Variants in RBFOX1 observed in about 807,000 individuals in gnomAD.
The protein encoded by RBFOX1 is RNA binding fox-1 homolog 1.
RBFOX1 carries 8 observed loss-of-function variants against 57.7 expected under a neutral mutation model. The ratio of observed to expected loss-of-function variants is 0.14; its 90% confidence interval spans 0.08 to 0.25. RBFOX1 has a LOEUF of 0.25. Ranked by LOEUF, RBFOX1 falls within the 10% of genes least tolerant of loss-of-function variation. RBFOX1 has a pLI of 1.00. For missense variants in RBFOX1, 611 were observed against 548.5 expected, an observed-to-expected ratio of 1.11 and a Z score of -1.14; for synonymous variants, 326 against 222.4, an observed-to-expected ratio of 1.47 and a Z score of -4.15.
chr16:6,147,164 G>A (rs2096764569), intron 1 of RBFOX1, among the ~76,000 whole-genome samples: 1 of 152,172 alleles, frequency 6.6e-6, no homozygotes, highest in African/African-American at 2.4e-5. Flanking sequence ...CACTCCAACT[G>A]TTACCTAAAA....
chr16:6,027,076 G>T (rs746866109), intron 1 of RBFOX1, among the ~76,000 whole-genome samples: 3 of 152,202 alleles, frequency 2.0e-5, no homozygotes, highest in African/African-American at 7.2e-5. Flanking sequence ...AGATGTTGAT[G>T]TCTCTTTTCT....
intron 4 of RBFOX1, among the ~76,000 whole-genome samples, chr16:5,869,649 C>G (rs1051943579): frequency 6.6e-6 from 1 of 152,106 alleles, no homozygotes; most frequent in Non-Finnish European, 1.5e-5. Context: ...GTGATCTGCC[C>G]TCCTCGGCCT....
chr16:7,691,469 A>C (rs1363293490), intron 14 of RBFOX1, among the ~76,000 whole-genome samples: 1 of 152,032 alleles, frequency 6.6e-6, no homozygotes, highest in Admixed American at 6.6e-5. Context: ...AGGAAAGGGT[A>C]GGAGAGGAAA....
At chr16:6,678,332 C>T (rs140797716) in intron 3 of RBFOX1, among the ~76,000 whole-genome samples, 2 of 152,046 alleles carry the variant, frequency 1.3e-5, no homozygotes, top group Admixed American at 6.6e-5. Context: ...ATCATGTTGG[C>T]CAGGCTGGTT....
Position 5,763,962 on chromosome 16 carries a change from G to A in RBFOX1, c.319-103341G>A, listed in dbSNP as rs74006264. Reference sequence around the variant, plus strand: ...TATTTCTTTATTCACCTGTTTACTCGTCTATCTCCTATGCTAGAACACATG... The same window carrying A: ...TATTTCTTTATTCACCTGTTTACTCATCTATCTCCTATGCTAGAACACATG... On this transcript the variant is annotated intron_variant, in intron 3 of 19. Coordinates refer to the RBFOX1 transcript ENST00000641259. Among the ~76,000 whole-genome samples the A allele has an allele frequency of 4.9e-3, 745 of 152,066 alleles. 6 individuals are homozygous for A. Among genetic ancestry groups the A allele is most frequent in the African/African-American group, 0.016 (680 of 41,454 alleles).
chr16:6,861,631 A>G (rs17141571), intron 3 of RBFOX1, among the ~76,000 whole-genome samples: 1 of 151,866 alleles, frequency 6.6e-6, no homozygotes, highest in African/African-American at 2.4e-5. Context: ...TTGGGTCTTT[A>G]TGTTGCAATA....
At chr16:5,476,962 T>C (rs2069347124) in intron 2 of RBFOX1, among the ~76,000 whole-genome samples, 1 of 152,236 alleles carries the variant, frequency 6.6e-6, no homozygotes, top group Non-Finnish European at 1.5e-5. Flanking sequence ...ACTGATGTTA[T>C]CTGTATATAC....
intron 4 of RBFOX1, among the ~76,000 whole-genome samples, chr16:7,256,367 C>T (rs1336354614): frequency 6.6e-6 from 1 of 152,126 alleles, no homozygotes; most frequent in Non-Finnish European, 1.5e-5. Flanking sequence ...GAGGTTTGGC[C>T]TCAGATTCAT....
rs975974470 is a variant in RBFOX1, at chr16:7,629,109, C to A, written c.677-1494C>A. ...CAGCTATAAGCATGGGAAACCAGAT[C>A]GAAAAAGACCATGGGACATTCCTTC... is the stretch of plus-strand genomic sequence containing the variant. On this transcript the variant is annotated intron_variant, in intron 10 of 15. Coordinates refer to ENST00000550418, the MANE Select transcript of RBFOX1 (RefSeq NM_018723.4). Among the ~76,000 whole-genome samples, 5 of 152,176 alleles carry A rather than the reference C, an allele frequency of 3.3e-5. 1 individual carries two copies. The highest frequency in any genetic ancestry group is 2.4e-5 in the African/African-American group (1 of 41,510).
chr16:6,792,014 C>G (rs1010286834), intron 3 of RBFOX1, among the ~76,000 whole-genome samples: 3 of 152,040 alleles, frequency 2.0e-5, no homozygotes, highest in African/African-American at 7.2e-5. Context: ...TTCTGTTTTC[C>G]TACTTGAAAA....
intron 3 of RBFOX1, among the ~76,000 whole-genome samples, chr16:6,839,387 C>G (rs1020244236): frequency 6.6e-6 from 1 of 152,226 alleles, no homozygotes; most frequent in East Asian, 1.9e-4. Context: ...GTTAGGTTGT[C>G]AGCTGCGTCA....
intron 1 of RBFOX1, among the ~76,000 whole-genome samples, chr16:6,300,631 A>G (rs2078702541): frequency 6.6e-6 from 1 of 152,128 alleles, no homozygotes. Flanking sequence ...TTCCCTCAAT[A>G]TCTTTCCCAC....
rs528399933 is a variant in RBFOX1 at position 6,503,792 on chromosome 16, C to A, written c.-63-150811C>A. Among the ~76,000 whole-genome samples, 3 of 152,278 alleles carry A rather than the reference C, an allele frequency of 2.0e-5. No homozygotes were observed. In the South Asian group the frequency reaches 6.2e-4, roughly 32 times the overall value. ...TGATGTCTCGCGATGGAGGAAGCTT[C>A]ACACTCACCTGGAAAAGGTATATGC... is the stretch of plus-strand genomic sequence containing the variant. On this transcript the variant is annotated intron_variant, in intron 2 of 15. Transcript: ENST00000550418.
intron 4 of RBFOX1, among the ~76,000 whole-genome samples, chr16:7,292,249 A>ATCATATATCATG (rs1369064075): frequency 9.0e-6 from 1 of 110,760 alleles, no homozygotes. Flanking sequence ...TATATCATAT[A>ATCATATATCATG]TATGATATAT....
chr16:6,964,542 G>A (rs139953920), intron 3 of RBFOX1, among the ~76,000 whole-genome samples: 6 of 152,314 alleles, frequency 3.9e-5, no homozygotes, highest in African/African-American at 4.8e-5. Flanking sequence ...AGCTATGCCT[G>A]TGTGGGGCCA....
intron 3 of RBFOX1, among the ~76,000 whole-genome samples, chr16:7,013,824 A>G (rs1037052718): frequency 6.6e-6 from 1 of 152,010 alleles, no homozygotes; most frequent in Non-Finnish European, 1.5e-5. Flanking sequence ...TGCCCAGTTA[A>G]TTTTTTAAAA....
At chr16:7,080,024 G>A (rs533068883) in intron 4 of RBFOX1, among the ~76,000 whole-genome samples, 13 of 117,380 alleles carry the variant, frequency 1.1e-4, no homozygotes, top group Non-Finnish European at 1.6e-4. Context: ...ATATATATAC[G>A]TATATATGTA....
chr16:6,759,685 C>G (rs1050813843), intron 3 of RBFOX1, among the ~76,000 whole-genome samples: 3 of 152,026 alleles, frequency 2.0e-5, no homozygotes, highest in African/African-American at 7.2e-5. Flanking sequence ...TCTTAAATTT[C>G]AACTTTAATA....
chr16:7,075,683 C>G (rs1252598492), intron 4 of RBFOX1, among the ~76,000 whole-genome samples: 1 of 152,018 alleles, frequency 6.6e-6, no homozygotes, highest in East Asian at 1.9e-4. Context: ...CAGGTTCACA[C>G]CATTCTCCTG....
Sources: gnomAD v4.1 joint callset for allele counts (sites outside exome capture counted in the v4.1 genomes callset) on GRCh38, gnomAD v4.1.1 for gene constraint, MANE v1.5 for transcripts, NCBI Gene and HGNC (gene_info 2026-07-23, HGNC 2026-07-21) for gene names.